The following CDH12 variants were observed in gnomAD, a reference collection of about 807,000 sequenced individuals.
CDH12 encodes cadherin-12.
In CDH12, 41 loss-of-function variants were observed where a neutral mutation model predicts 74.1. The observed-to-expected ratio is 0.55, with a 90% CI of 0.43 to 0.72. CDH12 has a LOEUF of 0.72. Ranked by LOEUF, CDH12 falls within the 30% of genes least tolerant of loss-of-function variation. CDH12 has a pLI of 0.00. For synonymous variants in CDH12, 399 were observed against 355.0 expected (o/e 1.12, Z -1.39); for missense variants, 945 against 977.2 (o/e 0.97, Z 0.44).
chr5:21,788,431 T>C (rs539499373), intron 10 of CDH12, among the ~76,000 whole-genome samples: 2 of 152,140 alleles, frequency 1.3e-5, no homozygotes, highest in African/African-American at 4.8e-5. Context: ...GAAAACTATC[T>C]GAGAAGCATA....
chr5:22,466,200 T>G (rs1745721471), intron 2 of CDH12, among the ~76,000 whole-genome samples: 1 of 152,218 alleles, frequency 6.6e-6, no homozygotes, highest in Admixed American at 6.5e-5. Flanking sequence ...TCCTGAGCCC[T>G]ATGCTTTAGA....
At chr5:21,792,801 T>C (rs1746577328) in intron 10 of CDH12, among the ~76,000 whole-genome samples, 1 of 151,762 alleles carries the variant, frequency 6.6e-6, no homozygotes, top group Non-Finnish European at 1.5e-5. Context: ...TTTAGTTTAC[T>C]CTGCGGACAC....
intron 3 of CDH12, among the ~76,000 whole-genome samples, chr5:22,262,313 C>A (rs1319932763): frequency 7.0e-6 from 1 of 142,388 alleles, no homozygotes; most frequent in Admixed American, 7.5e-5. Flanking sequence ...ATTCCCCTTC[C>A]TGTGTCCATG....
At chr5:22,215,921 C>T (rs1229848447) in intron 3 of CDH12, among the ~76,000 whole-genome samples, 3 of 152,032 alleles carry the variant, frequency 2.0e-5, no homozygotes, top group African/African-American at 7.2e-5. Flanking sequence ...CAAACTAATG[C>T]AACATTTAAA....
chr5:21,953,297 G>A (rs1220970248), intron 6 of CDH12, among the ~76,000 whole-genome samples: 4 of 152,022 alleles, frequency 2.6e-5, no homozygotes, highest in East Asian at 1.9e-4. Flanking sequence ...CACTTATGAC[G>A]TACAAGCTCC....
chr5:22,675,841 T>C (rs569589120), intron 1 of CDH12, among the ~76,000 whole-genome samples: 4 of 142,006 alleles, frequency 2.8e-5, no homozygotes, highest in African/African-American at 7.7e-5. Context: ...TTTAAATACA[T>C]ATTTGTATAT....
intron 1 of CDH12, among the ~76,000 whole-genome samples, chr5:22,716,356 G>A (rs1352155757): frequency 2.0e-5 from 3 of 152,080 alleles, no homozygotes; most frequent in Non-Finnish European, 4.4e-5. Context: ...GTGGTCCCAT[G>A]AGATTATAAA....
At chr5:22,070,702 A>T (rs1741881346) in intron 5 of CDH12, among the ~76,000 whole-genome samples, 1 of 152,212 alleles carries the variant, frequency 6.6e-6, no homozygotes, top group African/African-American at 2.4e-5. Flanking sequence ...TTTGTTCCAT[A>T]TGAATTTTAG....
At chr5:22,785,133 C>T (rs1023916588) in intron 1 of CDH12, among the ~76,000 whole-genome samples, 8 of 152,188 alleles carry the variant, frequency 5.3e-5, no homozygotes, top group African/African-American at 1.9e-4. Context: ...AGAGGCACAC[C>T]GATTCTCCTC....
intron 3 of CDH12, among the ~76,000 whole-genome samples, chr5:22,351,896 G>A (rs1740369080): frequency 6.6e-6 from 1 of 151,946 alleles, no homozygotes; most frequent in African/African-American, 2.4e-5. Context: ...GACTCATATA[G>A]TAGTAATTGA....
chr5:22,630,714 G>C (rs1423269181), intron 1 of CDH12, among the ~76,000 whole-genome samples: 1 of 152,050 alleles, frequency 6.6e-6, no homozygotes, highest in East Asian at 1.9e-4. Flanking sequence ...TGCCATTCTG[G>C]ACATAGGCCC....
chr5:22,394,641 A>G (rs368553320), intron 3 of CDH12, among the ~76,000 whole-genome samples: 28 of 152,234 alleles, frequency 1.8e-4, no homozygotes, highest in African/African-American at 6.0e-4. Flanking sequence ...TTAGATTTCA[A>G]ACTTGCTTGG....
chr5:21,934,474 G>GT (rs1437661132), intron 6 of CDH12, among the ~76,000 whole-genome samples: 1 of 152,180 alleles, frequency 6.6e-6, no homozygotes, highest in Non-Finnish European at 1.5e-5. Context: ...GAAAGGTAAA[G>GT]TAAGTATTGA....
intron 4 of CDH12, among the ~76,000 whole-genome samples, chr5:22,166,180 A>G (rs1748672827): frequency 6.6e-6 from 1 of 152,110 alleles, no homozygotes; most frequent in South Asian, 2.1e-4. Context: ...AAAAAAATAC[A>G]TAATGGCTAG....
At chr5:22,478,278 C>A (rs1172566238) in intron 2 of CDH12, among the ~76,000 whole-genome samples, 1 of 151,532 alleles carries the variant, frequency 6.6e-6, no homozygotes, top group Non-Finnish European at 1.5e-5. Context: ...ATAAGCCGGG[C>A]GAGGTGGCGG....
intron 4 of CDH12, among the ~76,000 whole-genome samples, chr5:22,197,757 A>G (rs555340977): frequency 1.3e-5 from 2 of 152,164 alleles, no homozygotes; most frequent in South Asian, 2.1e-4. Context: ...TTCTGGCTCA[A>G]TGTCTCCCAA....
chr5:21,835,503 A>C (rs1749482214), intron 8 of CDH12, among the ~76,000 whole-genome samples: 1 of 151,780 alleles, frequency 6.6e-6, no homozygotes, highest in Admixed American at 6.6e-5. Flanking sequence ...GTGTGTTTTT[A>C]TATGGTAAAA....
chr5:21,845,656 G>A (rs573666003), intron 7 of CDH12, among the ~76,000 whole-genome samples: 2 of 150,308 alleles, frequency 1.3e-5, no homozygotes, highest in East Asian at 2.0e-4. Context: ...CATGTAGAAT[G>A]TTTTGTTGCA....
intron 3 of CDH12, among the ~76,000 whole-genome samples, chr5:22,233,040 TTGA>T: frequency 6.6e-6 from 1 of 151,436 alleles, no homozygotes; most frequent in East Asian, 1.9e-4. Context: ...CTATACTGTC[TTGA>T]TTATTATAGC....
Sources: allele counts gnomAD v4.1 joint callset (sites outside exome capture counted in the v4.1 genomes callset), GRCh38; gene constraint gnomAD v4.1.1; transcripts MANE v1.5; gene names NCBI Gene and HGNC (gene_info 2026-07-23, HGNC 2026-07-21).